The following OXR1 variants were observed in gnomAD, a reference collection of about 807,000 sequenced individuals.
OXR1 encodes oxidation resistance protein 1.
In OXR1, 41 loss-of-function variants were observed where a neutral mutation model predicts 104.6. The ratio of observed to expected loss-of-function variants is 0.39; its 90% CI spans 0.31 to 0.51. OXR1 has a LOEUF of 0.51. OXR1 is among the 20% of genes least tolerant of loss of function. The pLI is 0.77. For synonymous variants in OXR1, 348 were observed against 348.4 expected, an observed-to-expected ratio of 1.00 and a Z score of 0.01; for missense variants, 955 against 1,031.9, an observed-to-expected ratio of 0.93 and a Z score of 1.02.
intron 3 of OXR1, among the ~76,000 whole-genome samples, chr8:106,545,898 A>T (rs1815319013): frequency 6.6e-6 from 1 of 151,854 alleles, no homozygotes; most frequent in Non-Finnish European, 1.5e-5. Context: ...CCGGAGGCTA[A>T]GGCAGGAGAA....
chr8:106,589,732 A>C (rs1400673441), intron 3 of OXR1, among the ~76,000 whole-genome samples: 11 of 151,864 alleles, frequency 7.2e-5, no homozygotes, highest in Non-Finnish European at 1.6e-4. Context: ...AATGGCATGA[A>C]CTCGGCTCAC....
intron 3 of OXR1, among the ~76,000 whole-genome samples, chr8:106,560,581 G>A (rs191910790): frequency 5.4e-4 from 82 of 152,290 alleles, no homozygotes; most frequent in African/African-American, 1.8e-3. Context: ...GCTGACCTGA[G>A]TGACTTTGGC....
chr8:106,422,365 C>T (rs1586627729), intron 2 of OXR1, among the ~76,000 whole-genome samples: 1 of 152,222 alleles, frequency 6.6e-6, no homozygotes, highest in Non-Finnish European at 1.5e-5. Context: ...GAGCACCTCT[C>T]TTCAAACGTG....
chr8:106,587,683 T>G (rs1426917423), intron 3 of OXR1, among the ~76,000 whole-genome samples: 1 of 152,200 alleles, frequency 6.6e-6, no homozygotes. Context: ...TTGCTGTGCC[T>G]GAATAAACTA....
intron 1 of OXR1, among the ~76,000 whole-genome samples, chr8:106,343,126 T>C (rs972175142): frequency 1.1e-4 from 16 of 152,180 alleles, no homozygotes; most frequent in African/African-American, 3.6e-4. Flanking sequence ...ATTTCTTACA[T>C]AGATTGTTAT....
intron 2 of OXR1, among the ~76,000 whole-genome samples, chr8:106,474,961 C>G (rs1428899758): frequency 6.6e-6 from 1 of 151,960 alleles, no homozygotes; most frequent in Non-Finnish European, 1.5e-5. Flanking sequence ...TGTTTAATAG[C>G]TTTTGGCCTA....
At chr8:106,361,067 A>G (rs1256094519) in intron 2 of OXR1, among the ~76,000 whole-genome samples, 1 of 152,168 alleles carries the variant, frequency 6.6e-6, no homozygotes, top group African/African-American at 2.4e-5. Context: ...ATATGAGGAT[A>G]TGATTGTTGC....
intron 1 of OXR1, among the ~76,000 whole-genome samples, chr8:106,335,235 C>T (rs1171242103): frequency 6.6e-6 from 1 of 152,132 alleles, no homozygotes; most frequent in Non-Finnish European, 1.5e-5. Context: ...TGCCTAGCTT[C>T]CCTTTTTCTG....
intron 6 of OXR1, among the ~76,000 whole-genome samples, chr8:106,689,945 T>C (rs1379958358): frequency 6.6e-6 from 1 of 151,710 alleles, no homozygotes; most frequent in Non-Finnish European, 1.5e-5. Flanking sequence ...AGGAATTGCT[T>C]TCACATATGA....
chr8:106,710,916 C>T, intron 10 of OXR1, 126 bp downstream of exon 10: 1 of 573,118 alleles, frequency 1.7e-6, no homozygotes, highest in Non-Finnish European at 2.7e-6. Context: ...GACAATAAGT[C>T]TATTTGAAAC....
intron 2 of OXR1, among the ~76,000 whole-genome samples, chr8:106,508,824 G>T (rs769641604): frequency 2.2e-4 from 34 of 151,854 alleles, no homozygotes; most frequent in Non-Finnish European, 3.5e-4. Flanking sequence ...AGGGTAGATC[G>T]TTGGACTACA....
intron 3 of OXR1, among the ~76,000 whole-genome samples, chr8:106,538,733 C>T (rs1313226942): frequency 6.6e-6 from 1 of 152,142 alleles, no homozygotes; most frequent in Admixed American, 6.6e-5. Context: ...ATAGTTCTGA[C>T]AAACTCAACA....
intron 2 of OXR1, among the ~76,000 whole-genome samples, chr8:106,473,148 G>A (rs768175116): frequency 1.3e-5 from 2 of 151,822 alleles, no homozygotes; most frequent in Non-Finnish European, 2.9e-5. Context: ...GTGGATTCTT[G>A]GTTGGAAGCT....
chr8:106,475,309 A>G (rs1359307247), intron 2 of OXR1, among the ~76,000 whole-genome samples: 1 of 151,990 alleles, frequency 6.6e-6, no homozygotes, highest in Non-Finnish European at 1.5e-5. Context: ...TGAAAGAAAA[A>G]TGTTTACGAA....
chr8:106,679,874 G>C (rs1354921245), intron 4 of OXR1, among the ~76,000 whole-genome samples: 1 of 151,556 alleles, frequency 6.6e-6, no homozygotes, highest in Non-Finnish European at 1.5e-5. Flanking sequence ...TTTGGTATAT[G>C]GTATGCTGCA....
At chr8:106,302,672 T>C (rs1472589880) in intron 1 of OXR1, among the ~76,000 whole-genome samples, 1 of 151,720 alleles carries the variant, frequency 6.6e-6, no homozygotes, top group Admixed American at 6.6e-5. Flanking sequence ...TAAAATATAA[T>C]GACAGAGAAA....
intron 3 of OXR1, among the ~76,000 whole-genome samples, chr8:106,579,001 T>TTTTTTG (rs1818052422): frequency 6.6e-6 from 1 of 151,042 alleles, no homozygotes; most frequent in African/African-American, 2.4e-5. Context: ...TTTTTTTTTT[T>TTTTTTG]TGCCTAGTAT....
intron 11 of OXR1, among the ~76,000 whole-genome samples, chr8:106,717,312 A>G (rs757391799): frequency 1.8e-4 from 28 of 152,254 alleles, no homozygotes; most frequent in Non-Finnish European, 2.6e-4. Context: ...AAGCCCTTAT[A>G]TAAAACAGTA....
chr8:106,363,745 C>T (rs1018157820), intron 2 of OXR1, among the ~76,000 whole-genome samples: 13 of 152,040 alleles, frequency 8.6e-5, no homozygotes, highest in African/African-American at 3.1e-4. Flanking sequence ...CTTCAGATAG[C>T]TTCCACTTTT....
Sources: gnomAD v4.1 joint callset for allele counts (sites outside exome capture counted in the v4.1 genomes callset) on GRCh38, gnomAD v4.1.1 for gene constraint, MANE v1.5 for transcripts, NCBI Gene and HGNC (gene_info 2026-07-23, HGNC 2026-07-21) for gene names.